TMEM132D: variants seen among roughly 807,000 people sequenced by gnomAD.
The protein encoded by TMEM132D is transmembrane protein 132D.
Under a neutral mutation model 62.3 loss-of-function variants are expected in TMEM132D, and 21 were observed. That is an observed-to-expected ratio of 0.34 (90% CI 0.24 to 0.49). The LOEUF (loss-of-function observed/expected upper bound fraction) is 0.49. Ranked by LOEUF, TMEM132D falls within the 20% of genes least tolerant of loss-of-function variation. The pLI is 0.99. For missense variants in TMEM132D, 1,346 were observed against 1,402.8 expected (o/e 0.96, Z 0.65); for synonymous variants, 621 against 575.6 (o/e 1.08, Z -1.13).
intron 1 of TMEM132D, among the ~76,000 whole-genome samples, chr12:129,902,137 A>C (rs1250619195): frequency 6.6e-6 from 1 of 152,220 alleles, no homozygotes; most frequent in African/African-American, 2.4e-5. Context: ...CGGCATTTCA[A>C]CTGTCTTCAT....
intron 1 of TMEM132D, chr12:129,853,690 T>C (rs1190199287): frequency 2.0e-5 from 3 of 152,178 alleles, no homozygotes; most frequent in Non-Finnish European, 2.9e-5. Flanking sequence ...TGAGGAGTTA[T>C]GGAAGACAGC....
At chr12:129,307,601 T>C (rs909024883) in intron 4 of TMEM132D, among the ~76,000 whole-genome samples, 2 of 152,180 alleles carry the variant, frequency 1.3e-5, no homozygotes, top group Non-Finnish European at 2.9e-5. Flanking sequence ...AGCTGTCTGC[T>C]TGAAATCAGA....
At chr12:129,574,124 G>A (rs1352284619) in intron 2 of TMEM132D, among the ~76,000 whole-genome samples, 1 of 151,900 alleles carries the variant, frequency 6.6e-6, no homozygotes, top group East Asian at 1.9e-4. Context: ...TTAGTGAGAG[G>A]CATGCTGAGA....
intron 1 of TMEM132D, among the ~76,000 whole-genome samples, chr12:129,762,374 C>G (rs946844936): frequency 1.3e-5 from 2 of 151,994 alleles, no homozygotes; most frequent in Non-Finnish European, 2.9e-5. Flanking sequence ...TCAACTGATA[C>G]TTTTCCAAAA....
chr12:129,810,916 C>T (rs753611797), intron 1 of TMEM132D, among the ~76,000 whole-genome samples: 1 of 152,052 alleles, frequency 6.6e-6, no homozygotes, highest in Non-Finnish European at 1.5e-5. Flanking sequence ...ATATTGGGCA[C>T]TGATGGTATT....
intron 2 of TMEM132D, among the ~76,000 whole-genome samples, chr12:129,635,368 A>G (rs1879449435): frequency 6.6e-6 from 1 of 152,260 alleles, no homozygotes; most frequent in East Asian, 1.9e-4. Context: ...ACAAACAGAC[A>G]AAAGAAATGG....
At chr12:129,216,083 C>G (rs1055902202) in intron 4 of TMEM132D, among the ~76,000 whole-genome samples, 4 of 152,182 alleles carry the variant, frequency 2.6e-5, no homozygotes, top group African/African-American at 9.7e-5. Context: ...GCGTTTGAAT[C>G]CTGGTTGTGA....
intron 1 of TMEM132D, among the ~76,000 whole-genome samples, chr12:129,745,510 C>CCTGTGAGTG (rs1182992657): frequency 2.0e-5 from 3 of 152,136 alleles, no homozygotes; most frequent in African/African-American, 7.2e-5. Context: ...TGTCCTCTAA[C>CCTGTGAGTG]CTGTGAGTGC....
At chr12:129,797,434 T>C (rs1187921487) in intron 1 of TMEM132D, among the ~76,000 whole-genome samples, 2 of 152,212 alleles carry the variant, frequency 1.3e-5, no homozygotes, top group African/African-American at 2.4e-5. Flanking sequence ...AGCATGCAGT[T>C]TGCAGGGACC....
At chr12:129,882,355 GA>G (rs1172416761) in intron 1 of TMEM132D, among the ~76,000 whole-genome samples, 5 of 152,020 alleles carry the variant, frequency 3.3e-5, no homozygotes, top group African/African-American at 1.2e-4. Context: ...AATTTAGACA[GA>G]AAAACCCTCA....
chr12:129,577,109 AC>A (rs1355760479), intron 2 of TMEM132D, among the ~76,000 whole-genome samples: 1 of 151,796 alleles, frequency 6.6e-6, no homozygotes, highest in Admixed American at 6.6e-5. Context: ...CCGAAGGTTT[AC>A]AGTATTGCAC....
intron 5 of TMEM132D, among the ~76,000 whole-genome samples, chr12:129,134,144 G>GTC (rs1171865703): frequency 5.2e-4 from 76 of 145,770 alleles, no homozygotes; most frequent in African/African-American, 1.9e-3. Flanking sequence ...CTGTGTGTGT[G>GTC]TGTCTGTGTC....
intron 3 of TMEM132D, among the ~76,000 whole-genome samples, chr12:129,388,445 A>G (rs1366650409): frequency 2.5e-5 from 3 of 119,756 alleles, no homozygotes; most frequent in South Asian, 2.4e-4. Flanking sequence ...ACCAACACCA[A>G]TCCAGCACTG....
intron 1 of TMEM132D, among the ~76,000 whole-genome samples, chr12:129,825,866 C>A (rs1302559997): frequency 6.6e-6 from 1 of 152,102 alleles, no homozygotes; most frequent in Non-Finnish European, 1.5e-5. Context: ...GAGTTCAAGA[C>A]CAGCCTGGCC....
chr12:129,648,266 C>T (rs925825157), intron 2 of TMEM132D, among the ~76,000 whole-genome samples: 1 of 152,066 alleles, frequency 6.6e-6, no homozygotes, highest in African/African-American at 2.4e-5. Context: ...GTCCTGTGAC[C>T]TCCACCCAGG....
chr12:129,754,836 C>T (rs1353764525), intron 1 of TMEM132D, among the ~76,000 whole-genome samples: 1 of 152,112 alleles, frequency 6.6e-6, no homozygotes, highest in Non-Finnish European at 1.5e-5. Context: ...AATAGAAAAA[C>T]ATTTCAACTT....
chr12:129,458,976 G>GA (rs1419865882), intron 3 of TMEM132D, among the ~76,000 whole-genome samples: 1 of 152,136 alleles, frequency 6.6e-6, no homozygotes, highest in African/African-American at 2.4e-5. Flanking sequence ...CAATTACCAA[G>GA]AAAAATCCTA....
chr12:129,476,994 G>A (rs759645359), intron 3 of TMEM132D, among the ~76,000 whole-genome samples: 1 of 152,090 alleles, frequency 6.6e-6, no homozygotes, highest in Non-Finnish European at 1.5e-5. Context: ...CAACTTCCTC[G>A]TTCTTGCTTG....
chr12:129,519,944 C>A (rs1875802529), intron 3 of TMEM132D, among the ~76,000 whole-genome samples: 5 of 152,102 alleles, frequency 3.3e-5, no homozygotes, highest in Admixed American at 2.6e-4. Context: ...AGGAAACAAC[C>A]AGGAGAAAAC....
Sources: allele counts gnomAD v4.1 joint callset (sites outside exome capture counted in the v4.1 genomes callset), GRCh38; gene constraint gnomAD v4.1.1; transcripts MANE v1.5; gene names NCBI Gene and HGNC (gene_info 2026-07-23, HGNC 2026-07-21).